The following KLHL32 variants were observed in gnomAD, a reference collection of about 807,000 sequenced individuals.
KLHL32 encodes kelch-like protein 32.
Under a neutral mutation model 64.8 loss-of-function variants are expected in KLHL32, and 35 were observed. The observed-to-expected ratio is 0.54, with a 90% confidence interval of 0.41 to 0.72. The LOEUF (loss-of-function observed/expected upper bound fraction) is 0.72. Ranked by LOEUF, KLHL32 falls within the 30% of genes least tolerant of loss-of-function variation. The pLI is 0.00. For missense variants in KLHL32, 589 were observed against 768.5 expected (o/e 0.77, Z 2.76); for synonymous variants, 259 against 281.0 (o/e 0.92, Z 0.78).
chr6:97,100,320 G>A (rs1266263485), intron 6 of KLHL32, among the ~76,000 whole-genome samples: 1 of 152,170 alleles, frequency 6.6e-6, no homozygotes, highest in Non-Finnish European at 1.5e-5. Flanking sequence ...AATTCACCTA[G>A]TACAGGTAGT....
intron 2 of KLHL32, among the ~76,000 whole-genome samples, chr6:96,970,847 T>C (rs761044377): frequency 6.6e-6 from 1 of 152,212 alleles, no homozygotes; most frequent in Non-Finnish European, 1.5e-5. Flanking sequence ...TCTATAGAAA[T>C]GAAATTATTT....
chr6:97,087,600 C>T (rs1358862814), intron 6 of KLHL32, among the ~76,000 whole-genome samples: 2 of 152,112 alleles, frequency 1.3e-5, no homozygotes, highest in Non-Finnish European at 2.9e-5. Flanking sequence ...GAAATTGGCA[C>T]AAGGTAGGAC....
intron 4 of KLHL32, among the ~76,000 whole-genome samples, chr6:97,054,030 T>C (rs1737658): frequency 0.25 from 38,281 of 151,990 alleles, 6,202 homozygotes; most frequent in African/African-American, 0.45. Flanking sequence ...CTGCTGGAAG[T>C]ATTCAGTATT....
intron 3 of KLHL32, among the ~76,000 whole-genome samples, chr6:97,030,755 GCT>G (rs1783421954): frequency 6.6e-6 from 1 of 152,156 alleles, no homozygotes; most frequent in Non-Finnish European, 1.5e-5. Context: ...TACAGTAGAT[GCT>G]CTTTCTCTTT....
chr6:97,138,314 G>T (rs1205226728), intron 10 of KLHL32, among the ~76,000 whole-genome samples: 1 of 152,176 alleles, frequency 6.6e-6, no homozygotes, highest in Non-Finnish European at 1.5e-5. Flanking sequence ...TGAGGTGGAA[G>T]GATTGCTTGA....
intron 1 of KLHL32, among the ~76,000 whole-genome samples, chr6:96,965,350 T>C (rs558414480): frequency 6.6e-6 from 1 of 152,342 alleles, no homozygotes; most frequent in South Asian, 2.1e-4. Flanking sequence ...AGAAAACACC[T>C]GATTTAGTGA....
intron 3 of KLHL32, among the ~76,000 whole-genome samples, chr6:97,014,049 G>C (rs1457482760): frequency 6.6e-6 from 1 of 152,098 alleles, no homozygotes; most frequent in Non-Finnish European, 1.5e-5. Flanking sequence ...GCTCACGCTT[G>C]TAACCCCACC....
At chr6:97,123,239 T>C (rs1350938878) in intron 7 of KLHL32, among the ~76,000 whole-genome samples, 9 of 152,214 alleles carry the variant, frequency 5.9e-5, no homozygotes, top group Non-Finnish European at 1.2e-4. Flanking sequence ...TTGTTGCTTT[T>C]GAGTAGAATA....
At chr6:97,052,017 G>C (rs541683490) in intron 4 of KLHL32, among the ~76,000 whole-genome samples, 1 of 152,052 alleles carries the variant, frequency 6.6e-6, no homozygotes, top group Non-Finnish European at 1.5e-5. Flanking sequence ...ATATAAAAAG[G>C]CCACCTTTAC....
chr6:97,088,763 T>C (rs955736113), intron 6 of KLHL32, among the ~76,000 whole-genome samples: 6 of 152,204 alleles, frequency 3.9e-5, no homozygotes, highest in Admixed American at 3.3e-4. Context: ...AGCCAAAACA[T>C]GGCAATTCTT....
chr6:96,929,183 C>G (rs1769536574), intron 1 of KLHL32, among the ~76,000 whole-genome samples: 1 of 152,160 alleles, frequency 6.6e-6, no homozygotes, highest in African/African-American at 2.4e-5. Context: ...GGCGTCATAG[C>G]TAGAGTCTAG....
chr6:97,138,249 AAG>A (rs72057472), intron 10 of KLHL32, among the ~76,000 whole-genome samples: 67,416 of 151,318 alleles, frequency 0.45, 15,115 homozygotes, highest in South Asian at 0.52. Flanking sequence ...GCTATATAAG[AAG>A]AGAGAGGCCA....
rs541495066 is a variant in KLHL32 at position 97,139,308 on chromosome 6, G to A, written c.*26G>A. The A allele has an allele frequency of 1.3e-6, 2 of 1,596,078 alleles. No homozygotes were observed. The highest frequency in any genetic ancestry group is 1.7e-6 in the Non-Finnish European group (2 of 1,167,164). ...AAAGCCAAGCCATCATGAACAGGAGGAAAACATAGCTCTGACTGTTGGATA... is the reference window on the plus strand; with the variant it reads ...AAAGCCAAGCCATCATGAACAGGAGAAAAACATAGCTCTGACTGTTGGATA... On this transcript the variant is annotated 3_prime_UTR_variant, in exon 11 of 11. Coordinates refer to ENST00000369261, the MANE Select transcript of KLHL32 (RefSeq NM_052904.4).
intron 5 of KLHL32, among the ~76,000 whole-genome samples, chr6:97,073,786 C>T (rs189479152): frequency 7.5e-4 from 114 of 152,266 alleles, no homozygotes; most frequent in Middle Eastern, 3.4e-3. Context: ...CCATGTGTCT[C>T]ATTTCCCTCC....
chr6:97,021,031 G>A (rs1205021074), intron 3 of KLHL32, among the ~76,000 whole-genome samples: 1 of 150,862 alleles, frequency 6.6e-6, no homozygotes, highest in Non-Finnish European at 1.5e-5. Context: ...GTCCTCCAGA[G>A]AAGCAGAACC....
At chr6:96,990,959 G>A (rs997763310) in intron 3 of KLHL32, among the ~76,000 whole-genome samples, 15 of 152,068 alleles carry the variant, frequency 9.9e-5, no homozygotes, top group African/African-American at 3.1e-4. Context: ...GTTTTGTCTA[G>A]GAGCTCCACC....
At position 97,025,113 on chromosome 6, in the gene KLHL32, G is replaced by C. The variant is rs1301103286; in HGVS notation, c.205-16379G>C. On this transcript the variant is annotated intron_variant, in intron 3 of 10. Coordinates refer to ENST00000369261, the MANE Select transcript of KLHL32 (RefSeq NM_052904.4). ...GAGCGAAGGCAGATGTTTTACAAAA[G>C]AGGAGAAGACATCTGATCCTGTGAG... 5.1e-6 allele frequency: 5 copies of C among 985,098 alleles called. No individual in the cohort carries two copies. The African/African-American group carries it at 8.7e-5, about 17-fold the overall frequency. The allele number at this position is 985,098 out of a possible 1,614,324, so 61.0% of individuals were successfully genotyped here. A position where few individuals can be genotyped will look rare whatever the true frequency, so the allele number is the denominator to read the frequency against.
chr6:97,132,754 G>A lies in KLHL32; in HGVS notation c.1701+7G>A. 2 of 1,591,084 alleles carry A rather than the reference G, an allele frequency of 1.3e-6. No individual in the cohort carries two copies. The highest frequency in any genetic ancestry group is 1.7e-6 in the Non-Finnish European group (2 of 1,165,150). ...GCCTCTGGCTTGTATCCAGGTGAGT[G>A]GTAGAAGTTCCTTTTGAAGTTTGTT... is the stretch of plus-strand genomic sequence containing the variant. On this transcript the variant is annotated splice_region_variant and intron_variant, in intron 10 of 10. Coordinates refer to ENST00000369261, the MANE Select transcript of KLHL32 (RefSeq NM_052904.4).
chr6:96,967,486 T>G (rs1006488634), intron 2 of KLHL32, among the ~76,000 whole-genome samples: 5 of 148,194 alleles, frequency 3.4e-5, no homozygotes, highest in Admixed American at 6.7e-5. Flanking sequence ...GAGAGAGAGA[T>G]AGGGATAGAG....
Sources: allele counts gnomAD v4.1 joint callset (sites outside exome capture counted in the v4.1 genomes callset), GRCh38; gene constraint gnomAD v4.1.1; transcripts MANE v1.5; gene names NCBI Gene and HGNC (gene_info 2026-07-23, HGNC 2026-07-21).